KPNA7: variants seen among roughly 807,000 people sequenced by gnomAD.
The protein encoded by KPNA7 is importin subunit alpha-8.
KPNA7 carries 54 observed loss-of-function variants against 53.7 expected under a neutral mutation model. The observed-to-expected ratio is 1.01, with a 90% CI of 0.81 to 1.26. The LOEUF is 1.26. Among genes scored for constraint, KPNA7 ranks in the 50% most tolerant of loss-of-function variants. KPNA7 has a pLI of 0.00. For missense variants in KPNA7, 640 were observed against 644.5 expected (o/e 0.99, Z 0.07); for synonymous variants, 276 against 259.3 (o/e 1.06, Z -0.62).
chr7:99,193,193 A>G (rs1300624426), intron 5 of KPNA7, 92 bp from the exon 6 acceptor site: 1 of 721,774 alleles, frequency 1.4e-6, no homozygotes, highest in African/African-American at 1.9e-5. Flanking sequence ...AAAGGGCAAG[A>G]GACAAAAACT....
chr7:99,188,634 C>A, intron 6 of KPNA7, 71 bp from the exon 7 acceptor site: 6 of 1,417,516 alleles, frequency 4.2e-6, no homozygotes, highest in East Asian at 5.0e-5. Context: ...GTGTTCTTAC[C>A]ATTTCCAATC....
In KPNA7 at chr7:99,193,254, A is replaced by C. The variant is rs544304230; in HGVS notation, c.554-153T>G. Among the ~76,000 whole-genome samples, 10 of 152,344 alleles carry C rather than the reference A, an allele frequency of 6.6e-5. No individual in the cohort carries two copies. The South Asian group carries it at 2.1e-3, about 32-fold the overall frequency. On this transcript the variant is annotated intron_variant, in intron 5 of 10. Transcript: ENST00000327442. ...GTAGAGCCACGTACTAAATTCTGGA[A>C]GTCTGGCATGGCTGGTGGGTGGACA...
At chr7:99,207,275 T>A (rs938097077) in intron 2 of KPNA7, 126 bp downstream of exon 2, 10 of 741,734 alleles carry the variant, frequency 1.3e-5, no homozygotes, top group Non-Finnish European at 2.1e-5. Flanking sequence ...CCTTGTGATC[T>A]GCCCGTCTCA....
In KPNA7 at chr7:99,188,487, G is replaced by T. The variant is rs370351226; in HGVS notation, c.713C>A (p.Ala238Glu). ...GAGGGCCGGCAGTATCTGCTTCACC[G>T]CAGTGTCGCAAGGGTATGGGTTCTT... ...RNKNPYPCDTAVKQILPALLH... is the reference protein window; with the variant it reads ...RNKNPYPCDTEVKQILPALLH... Residue 238 changes from alanine (A) to glutamate (E), a missense_variant, in exon 7 of 11, where the codon GCG becomes GAG. Ala to Glu is a moderately radical substitution (Grantham distance 107). Transcript: ENST00000327442. 1 of 1,551,678 alleles carries T rather than the reference G, an allele frequency of 6.4e-7. No homozygotes were observed. The highest frequency in any genetic ancestry group is 8.7e-7 in the Non-Finnish European group (1 of 1,146,994).
intron 9 of KPNA7, among the ~76,000 whole-genome samples, chr7:99,180,588 TCCGTCTCTCC>T (rs1799134212): frequency 8.2e-6 from 1 of 121,456 alleles, no homozygotes. Context: ...TGTCCATCTC[TCCGTCTCTCC>T]GTCTCTGTCT....
chr7:99,197,273 T>C (rs1790275262), intron 3 of KPNA7, among the ~76,000 whole-genome samples: 1 of 152,192 alleles, frequency 6.6e-6, no homozygotes, highest in African/African-American at 2.4e-5. Flanking sequence ...AAGCAGACAC[T>C]GCAGCAGCCA....
intron 9 of KPNA7, among the ~76,000 whole-genome samples, chr7:99,179,210 G>A (rs1799051623): frequency 6.6e-6 from 1 of 152,202 alleles, no homozygotes; most frequent in Admixed American, 6.5e-5. Context: ...CTTCTAAAAG[G>A]AGCTCCTTGG....
chr7:99,192,499 C>A (rs7778995), intron 6 of KPNA7, among the ~76,000 whole-genome samples: 12,961 of 152,174 alleles, frequency 0.085, 580 homozygotes, highest in South Asian at 0.15. Context: ...TGCAGCCTCC[C>A]TCTCCTGGGC....
At chr7:99,153,365 C>G in the KPNA7 span, among the ~76,000 whole-genome samples, 2 of 152,006 alleles carry the variant, frequency 1.3e-5, no homozygotes, top group South Asian at 4.1e-4. Context: ...CAAGACCAGC[C>G]TGGCCAACAT....
At chr7:99,164,662 T>C in the KPNA7 span, among the ~76,000 whole-genome samples, 1 of 151,716 alleles carries the variant, frequency 6.6e-6, no homozygotes, top group Non-Finnish European at 1.5e-5. Context: ...CGAAAGAGTA[T>C]GGGAGAGCAC....
At chr7:99,200,776 G>C (rs1790485957) in intron 3 of KPNA7, among the ~76,000 whole-genome samples, 1 of 152,140 alleles carries the variant, frequency 6.6e-6, no homozygotes, top group Non-Finnish European at 1.5e-5. Context: ...AGGAGTTCGA[G>C]ACCAGCCTGA....
At chr7:99,174,819 T>TA (rs371255752) in intron 10 of KPNA7, among the ~76,000 whole-genome samples, 51 of 151,798 alleles carry the variant, frequency 3.4e-4, no homozygotes, top group African/African-American at 1.0e-3. Flanking sequence ...ATTTATTATT[T>TA]TTTTTTTTTG....
At chr7:99,217,922 T>C (rs1791253747) in intron 1 of KPNA7, among the ~76,000 whole-genome samples, 1 of 152,152 alleles carries the variant, frequency 6.6e-6, no homozygotes. Context: ...TGAGCCTCCA[T>C]GCCCGGCCCC....
intron 9 of KPNA7, among the ~76,000 whole-genome samples, chr7:99,180,519 GTC>G (rs1364418054): frequency 7.0e-6 from 1 of 142,378 alleles, no homozygotes; most frequent in African/African-American, 2.7e-5. Context: ...CTCTCTCTGT[GTC>G]TCTATCTCTC....
At chr7:99,153,463 T>G in the KPNA7 span, among the ~76,000 whole-genome samples, 1 of 150,746 alleles carries the variant, frequency 6.6e-6, no homozygotes, top group East Asian at 1.9e-4. Context: ...GGCAGGAGAA[T>G]CACTTGAACC....
chr7:99,186,431 C>G (rs114668211), intron 7 of KPNA7, among the ~76,000 whole-genome samples: 2,253 of 152,286 alleles, frequency 0.015, 46 homozygotes, highest in African/African-American at 0.049. Context: ...ATGGCCTTAC[C>G]AGGGCAGCTC....
At chr7:99,209,344 G>T (rs1341157717), upstream of KPNA7, among the ~76,000 whole-genome samples, 1 of 152,038 alleles carries the variant, frequency 6.6e-6, no homozygotes. Flanking sequence ...CTCCACCCCA[G>T]TCCAGACCAC....
At chr7:99,214,249 G>A (rs1563093872) in intron 1 of KPNA7, among the ~76,000 whole-genome samples, 1 of 150,604 alleles carries the variant, frequency 6.6e-6, no homozygotes, top group Non-Finnish European at 1.5e-5. Flanking sequence ...TGGCCAATGT[G>A]GCAAAACCCC....
rs756987424 is a variant in KPNA7, at chr7:99,195,241, G to C, written c.382C>G (p.Pro128Ala). Residue 128 changes from proline to alanine, a missense_variant, in exon 5 of 11, where the codon CCC becomes GCC. Transcript: ENST00000327442. ...MVEFLKSSLY[P>A]CLQFEAAWAL... ...CAGGCAGCCTCAAACTGCAAGCAGG[G>C]GTAAAGTGATGACTTCAGGAACTCC... 1 of 1,551,602 alleles carries C rather than the reference G, an allele frequency of 6.4e-7. No individual in the cohort carries two copies. The highest frequency in any genetic ancestry group is 1.4e-5 in the African/African-American group (1 of 73,126).
Sources: allele counts gnomAD v4.1 joint callset (sites outside exome capture counted in the v4.1 genomes callset), GRCh38; gene constraint gnomAD v4.1.1; transcripts MANE v1.5; gene names NCBI Gene and HGNC (gene_info 2026-07-23, HGNC 2026-07-21).